ADGRL3: variants seen among roughly 807,000 people sequenced by gnomAD.
ADGRL3 encodes the protein adhesion G protein-coupled receptor L3.
Under a neutral mutation model 153.5 loss-of-function variants are expected in ADGRL3, and 62 were observed. That is an observed-to-expected ratio of 0.40 (90% CI 0.33 to 0.50). The LOEUF (loss-of-function observed/expected upper bound fraction) is 0.50. Among genes scored for constraint, ADGRL3 ranks in the 20% least tolerant of loss-of-function variants. The pLI, the probability that ADGRL3 is intolerant of heterozygous loss-of-function variation, is 0.47. For missense variants in ADGRL3, 1,641 were observed against 1,859.4 expected (o/e 0.88, Z 2.16); for synonymous variants, 710 against 672.5 (o/e 1.06, Z -0.86).
chr4:62,073,342 A>T lies in ADGRL3; in HGVS notation c.*2434A>T, dbSNP rs998989868. 3 of 152,124 alleles carry T rather than the reference A, an allele frequency of 2.0e-5. No homozygotes were observed. Among genetic ancestry groups the T allele is most frequent in the African/African-American group, 7.2e-5 (3 of 41,420 alleles). The allele number at this position is 152,124 out of a possible 1,614,324, so 9.4% of individuals were successfully genotyped here. On this transcript the variant is annotated 3_prime_UTR_variant, in exon 27 of 27. Transcript: ENST00000683033. The stretch of plus-strand genomic sequence containing the variant: ...AAGTCTACAGATTTTATGTTAGAGG[A>T]GAATCACAAGCGTTAATGATAATTA...
intron 8 of ADGRL3, among the ~76,000 whole-genome samples, chr4:61,760,447 C>T (rs761206018): frequency 6.6e-6 from 1 of 152,200 alleles, no homozygotes; most frequent in Admixed American, 6.5e-5. Flanking sequence ...GGGCGTAGGA[C>T]CCTCTGAGCC....
intron 1 of ADGRL3, among the ~76,000 whole-genome samples, chr4:61,224,772 G>A (rs1325440847): frequency 2.0e-5 from 3 of 152,158 alleles, no homozygotes; most frequent in African/African-American, 7.2e-5. Context: ...AGGACCCGAG[G>A]GAAGGAATGG....
intron 2 of ADGRL3, among the ~76,000 whole-genome samples, chr4:61,454,157 T>G (rs896468492): frequency 1.3e-5 from 2 of 152,134 alleles, no homozygotes; most frequent in African/African-American, 4.8e-5. Flanking sequence ...CTCTCATGGT[T>G]GCCTACCCAG....
Position 62,074,768 on chromosome 4 carries a change from T to A in ADGRL3, c.*3860T>A, listed in dbSNP as rs1217425856. On this transcript the variant is annotated 3_prime_UTR_variant, in exon 27 of 27. Coordinates refer to ENST00000683033, the MANE Select transcript of ADGRL3 (RefSeq NM_001387552.1). ...CATCTGTATTTTAAAATATCCATCA[T>A]AACTAAAAATGTTGACATATTAAGG... is the stretch of plus-strand genomic sequence containing the variant. The A allele has an allele frequency of 2.0e-5, 3 of 152,168 alleles. No homozygotes were observed. The highest frequency in any genetic ancestry group is 4.4e-5 in the Non-Finnish European group (3 of 68,018). 9.4% of individuals were successfully genotyped at this position (152,168 alleles called of 1,614,324 possible).
At chr4:61,454,728 C>G (rs1032232580) in intron 2 of ADGRL3, among the ~76,000 whole-genome samples, 5 of 152,028 alleles carry the variant, frequency 3.3e-5, no homozygotes, top group African/African-American at 1.2e-4. Flanking sequence ...TATATATTAA[C>G]TTTTGTCTAT....
rs113703904 is a variant in ADGRL3 at position 61,567,466 on chromosome 4, C to G, written c.260-19761C>G. On this transcript the variant is annotated intron_variant, in intron 4 of 26. Transcript: ENST00000683033. The stretch of plus-strand genomic sequence containing the variant: ...ATTAGTGTCCTTATAAAAAAGGCCT[C>G]AGAGAGCTGACTTGCCCCTTTACCA... Among the ~76,000 whole-genome samples the G allele has an allele frequency of 9.8e-4, 149 of 152,288 alleles. 1 individual carries two copies. The highest frequency in any genetic ancestry group is 3.5e-3 in the African/African-American group (144 of 41,552).
intron 9 of ADGRL3, among the ~76,000 whole-genome samples, chr4:61,854,142 A>G (rs2098238284): frequency 6.6e-6 from 1 of 152,172 alleles, no homozygotes; most frequent in South Asian, 2.1e-4. Flanking sequence ...ATTCATATTC[A>G]TTAGAAGGAG....
chr4:61,776,933 C>T (rs1404227642), intron 8 of ADGRL3, among the ~76,000 whole-genome samples: 1 of 152,150 alleles, frequency 6.6e-6, no homozygotes, highest in Non-Finnish European at 1.5e-5. Flanking sequence ...ATTAAATAAA[C>T]ATATATAATG....
chr4:61,831,280 A>G (rs2097864785), intron 9 of ADGRL3, among the ~76,000 whole-genome samples: 1 of 152,004 alleles, frequency 6.6e-6, no homozygotes, highest in African/African-American at 2.4e-5. Flanking sequence ...TGGCACTCAC[A>G]CTGGAAACAA....
Position 61,366,111 on chromosome 4 carries a change from A to T in ADGRL3, c.-239-17013A>T, listed in dbSNP as rs2096391277. On this transcript the variant is annotated intron_variant, in intron 1 of 26. Coordinates refer to ENST00000683033, the MANE Select transcript of ADGRL3 (RefSeq NM_001387552.1). ...TGAAAATAGTAGATTAGTTTTAGGG[A>T]AAATTTCTGGCATTTAAATATTTTC... Among the ~76,000 whole-genome samples the T allele has an allele frequency of 2.7e-5, 4 of 150,516 alleles. No homozygotes were observed. In the South Asian group the frequency reaches 8.4e-4, roughly 32 times the overall value.
intron 8 of ADGRL3, among the ~76,000 whole-genome samples, chr4:61,742,288 T>G (rs1174206065): frequency 2.6e-5 from 4 of 151,960 alleles, no homozygotes; most frequent in Admixed American, 6.6e-5. Context: ...CTTATTATTA[T>G]TATTTTTTGA....
intron 1 of ADGRL3, among the ~76,000 whole-genome samples, chr4:61,294,153 CTT>C (rs568225307): frequency 8.1e-4 from 123 of 152,172 alleles, no homozygotes; most frequent in African/African-American, 2.7e-3. Context: ...GTAAGGCACT[CTT>C]GTTTTGTTGG....
chr4:61,744,611 G>C (rs2096629301), intron 8 of ADGRL3, among the ~76,000 whole-genome samples: 1 of 152,218 alleles, frequency 6.6e-6, no homozygotes, highest in Non-Finnish European at 1.5e-5. Flanking sequence ...ACAGGGTCTG[G>C]AGTGGACTTC....
At chr4:61,788,856 G>C (rs894839928) in intron 8 of ADGRL3, among the ~76,000 whole-genome samples, 1 of 152,120 alleles carries the variant, frequency 6.6e-6, no homozygotes. Flanking sequence ...TCCAAAATAA[G>C]ATTTCAAGAT....
At chr4:61,504,189 C>A (rs1345961557) in intron 3 of ADGRL3, among the ~76,000 whole-genome samples, 1 of 152,056 alleles carries the variant, frequency 6.6e-6, no homozygotes, top group Non-Finnish European at 1.5e-5. Flanking sequence ...AAGATGGAGT[C>A]TTGCTCTGTT....
rs138168643 is a variant in ADGRL3, at chr4:61,615,576, TTGTG to T, written c.473+28156_473+28159del. 1.4e-3 allele frequency among the ~76,000 whole-genome samples: 204 copies of T among 148,016 alleles called. 1 individual carries two copies. Among genetic ancestry groups the T allele is most frequent in the African/African-American group, 4.7e-3 (189 of 40,538 alleles). ...AGAATTTTATACGTCGGTTGGAATA[TTGTG>T]TGTGTGTGTGTGTGTGTGTATGTTT... On this transcript the variant is annotated intron_variant, in intron 5 of 26. Coordinates refer to ENST00000683033, the MANE Select transcript of ADGRL3 (RefSeq NM_001387552.1).
intron 25 of ADGRL3, among the ~76,000 whole-genome samples, chr4:62,045,048 G>A (rs1730386881): frequency 6.6e-6 from 1 of 152,024 alleles, no homozygotes; most frequent in Admixed American, 6.6e-5. Flanking sequence ...AAATATAGGA[G>A]AAAAGATACT....
chr4:61,498,338 C>A (rs2098343644), intron 3 of ADGRL3, among the ~76,000 whole-genome samples: 1 of 152,084 alleles, frequency 6.6e-6, no homozygotes, highest in Non-Finnish European at 1.5e-5. Flanking sequence ...ATCACAAGGT[C>A]AAGAGATCGA....
At chr4:61,827,226 C>CTG (rs1319732530) in intron 9 of ADGRL3, among the ~76,000 whole-genome samples, 1 of 152,212 alleles carries the variant, frequency 6.6e-6, no homozygotes, top group African/African-American at 2.4e-5. Context: ...ACCGCATTTG[C>CTG]TGTGCCCACA....
Sources: gnomAD v4.1 joint callset for allele counts (sites outside exome capture counted in the v4.1 genomes callset) on GRCh38, gnomAD v4.1.1 for gene constraint, MANE v1.5 for transcripts, NCBI Gene and HGNC (gene_info 2026-07-23, HGNC 2026-07-21) for gene names.